Variants in CRIM1 observed in about 807,000 individuals in gnomAD.
CRIM1 encodes the protein cysteine-rich motor neuron 1 protein.
A neutral mutation model predicts 116.4 loss-of-function variants in CRIM1; 32 were observed. That is an observed-to-expected ratio of 0.27 (90% CI 0.21 to 0.37). The LOEUF is 0.37. Among genes scored for constraint, CRIM1 ranks in the 10% least tolerant of loss-of-function variants. The pLI, the probability that CRIM1 is intolerant of heterozygous loss-of-function variation, is 1.00. For missense variants in CRIM1, 1,331 were observed against 1,354.8 expected (o/e 0.98, Z 0.28); for synonymous variants, 590 against 509.2 (o/e 1.16, Z -2.13).
intron 7 of CRIM1, among the ~76,000 whole-genome samples, chr2:36,486,475 T>G (rs1679826706): frequency 6.6e-6 from 1 of 152,206 alleles, no homozygotes; most frequent in Non-Finnish European, 1.5e-5. Context: ...CTTATACTCT[T>G]AATTTGCTAG....
At chr2:36,456,663 G>C (rs1677156895) in intron 4 of CRIM1, among the ~76,000 whole-genome samples, 1 of 152,168 alleles carries the variant, frequency 6.6e-6, no homozygotes, top group Non-Finnish European at 1.5e-5. Flanking sequence ...TGTGATATCG[G>C]ATTGTTGAGC....
chr2:36,486,739 T>G (rs1188882763), intron 7 of CRIM1, among the ~76,000 whole-genome samples: 1 of 152,186 alleles, frequency 6.6e-6, no homozygotes, highest in Non-Finnish European at 1.5e-5. Context: ...AGATCAGACT[T>G]GGGCCTGCTA....
rs1212667878 is a variant in CRIM1 at position 36,356,228 on chromosome 2, C to T, written c.-65C>T. 1 of 925,254 alleles carries T rather than the reference C, an allele frequency of 1.1e-6. No homozygotes were observed. The highest frequency in any genetic ancestry group is 1.8e-5 in the African/African-American group (1 of 56,296). 57.3% of individuals were successfully genotyped at this position (925,254 alleles called of 1,614,324 possible). On this transcript the variant is annotated 5_prime_UTR_variant, in exon 1 of 17. Coordinates refer to ENST00000280527, the MANE Select transcript of CRIM1 (RefSeq NM_016441.3). The surrounding 1 kb of genome is among the most constrained non-coding windows in gnomAD (Gnocchi z 4.3). ...GCGGCGGCGGCGCGTGTGCCCCGCG[C>T]AGGGGAGGGCGCCCGCCCCGCTCCC...
chr2:36,429,594 AAG>A (rs1235797208), intron 2 of CRIM1, among the ~76,000 whole-genome samples: 1 of 152,200 alleles, frequency 6.6e-6, no homozygotes, highest in Non-Finnish European at 1.5e-5. Flanking sequence ...AGCACACAGA[AAG>A]AGAGAAAGCA....
In CRIM1 at chr2:36,548,700, G is replaced by GAAGAA. The variant is rs1667534623; in HGVS notation, c.*1_*5dup. ...GCAGACAATTTCTACCAAACAGTGTGAAGAAAGGCAACTAGGATGAGGTTT... is the reference window on the plus strand; with the variant it reads ...GCAGACAATTTCTACCAAACAGTGTGAAGAAAAGAAAGGCAACTAGGATGAGGTTT... On this transcript the variant is annotated frameshift_variant and stop_retained_variant, in exon 17 of 17. Coordinates refer to ENST00000280527, the MANE Select transcript of CRIM1 (RefSeq NM_016441.3). LOFTEE classifies it high-confidence loss of function. The GAAGAA allele has an allele frequency of 1.3e-6, 2 of 1,577,314 alleles. No homozygotes were observed. Among genetic ancestry groups the GAAGAA allele is most frequent in the Non-Finnish European group, 8.6e-7 (1 of 1,167,522 alleles).
rs1344630971 is a variant in CRIM1, at chr2:36,474,030, A to T, written c.992-2859A>T. ...CAGTGCTCGTTACTATTTTTTAATTATATCCATCATAGTGGGTGTGAAATG... is the reference window on the plus strand; with the variant it reads ...CAGTGCTCGTTACTATTTTTTAATTTTATCCATCATAGTGGGTGTGAAATG... On this transcript the variant is annotated intron_variant, in intron 5 of 16. Coordinates refer to ENST00000280527, the MANE Select transcript of CRIM1 (RefSeq NM_016441.3). Among the ~76,000 whole-genome samples the T allele has an allele frequency of 5.3e-5, 8 of 152,274 alleles. No homozygotes were observed. The East Asian group carries it at 1.2e-3, about 22-fold the overall frequency.
Position 36,395,223 on chromosome 2 carries a change from C to T in CRIM1, c.332-1391C>T, listed in dbSNP as rs781228730. On this transcript the variant is annotated intron_variant, in intron 1 of 16. Transcript: ENST00000280527. ...GGAGATGGGGTTTCACCATGTTGGC[C>T]AGGCTGATGGCCAGGTGATCTGCCT... Among the ~76,000 whole-genome samples, 32 of 152,068 alleles carry T rather than the reference C, an allele frequency of 2.1e-4. 1 individual carries two copies. Among genetic ancestry groups the T allele is most frequent in the Middle Eastern group, 3.2e-3 (1 of 316 alleles).
intron 8 of CRIM1, among the ~76,000 whole-genome samples, chr2:36,508,579 T>C (rs989754762): frequency 2.6e-5 from 4 of 152,240 alleles, no homozygotes; most frequent in African/African-American, 9.6e-5. Context: ...TAGAACAATA[T>C]TCAAACATTG....
intron 15 of CRIM1, 78 bp downstream of exon 15, chr2:36,544,576 T>A: frequency 7.8e-7 from 1 of 1,284,030 alleles, no homozygotes. Flanking sequence ...TAAAATTTCC[T>A]ATGAGTAACT....
At chr2:36,375,260 A>G (rs1670240393) in intron 1 of CRIM1, among the ~76,000 whole-genome samples, 1 of 152,198 alleles carries the variant, frequency 6.6e-6, no homozygotes, top group Admixed American at 6.5e-5. Flanking sequence ...ATTCGAAAAA[A>G]AACTTCGGAT....
chr2:36,415,652 C>G (rs977613324), intron 2 of CRIM1, among the ~76,000 whole-genome samples: 1 of 152,174 alleles, frequency 6.6e-6, no homozygotes, highest in African/African-American at 2.4e-5. Context: ...GGAACCAAGG[C>G]TAGCTGGGGG....
intron 6 of CRIM1, 113 bp downstream of exon 6, chr2:36,477,184 T>G: frequency 1.2e-6 from 1 of 828,400 alleles, no homozygotes; most frequent in Non-Finnish European, 1.8e-6. Context: ...TGAAGTTCCT[T>G]TTTTAGCCTT....
chr2:36,478,560 T>G (rs1261764920), intron 6 of CRIM1, among the ~76,000 whole-genome samples: 1 of 152,260 alleles, frequency 6.6e-6, no homozygotes, highest in East Asian at 1.9e-4. Flanking sequence ...CCTCCCTCTC[T>G]GGCAGACTGC....
At position 36,450,474 on chromosome 2, in the gene CRIM1, C is replaced by T. The variant is rs3770878; in HGVS notation, c.869+7739C>T. Reference sequence around the variant, plus strand: ...TATTCATGGACAAGTTTTAGGTTCTCTTTTCCTAACTTTATGATTGGACCA... The same window carrying T: ...TATTCATGGACAAGTTTTAGGTTCTTTTTTCCTAACTTTATGATTGGACCA... On this transcript the variant is annotated intron_variant, in intron 4 of 16. Coordinates refer to ENST00000280527, the MANE Select transcript of CRIM1 (RefSeq NM_016441.3). Among the ~76,000 whole-genome samples the T allele has an allele frequency of 8.0e-3, 1,219 of 152,300 alleles. 48 individuals carry two copies. The East Asian group carries it at 0.087, about 11-fold the overall frequency.
At chr2:36,473,274 T>C (rs933094025) in intron 5 of CRIM1, among the ~76,000 whole-genome samples, 3 of 152,202 alleles carry the variant, frequency 2.0e-5, no homozygotes, top group African/African-American at 7.2e-5. Context: ...AAGATGGGGA[T>C]ATCATCATCC....
At chr2:36,516,605 T>A (rs1441340442) in intron 11 of CRIM1, among the ~76,000 whole-genome samples, 2 of 152,018 alleles carry the variant, frequency 1.3e-5, no homozygotes, top group Non-Finnish European at 2.9e-5. Flanking sequence ...GCCAAGCACA[T>A]GTTTAGTCTC....
chr2:36,453,474 T>C (rs1475577333), intron 4 of CRIM1, among the ~76,000 whole-genome samples: 1 of 152,230 alleles, frequency 6.6e-6, no homozygotes, highest in Non-Finnish European at 1.5e-5. Flanking sequence ...ACCCACCCTA[T>C]ATATTTCATT....
intron 9 of CRIM1, among the ~76,000 whole-genome samples, chr2:36,511,026 C>G (rs1664637445): frequency 6.6e-6 from 1 of 151,052 alleles, no homozygotes; most frequent in Non-Finnish European, 1.5e-5. Context: ...CCCAGGCTGT[C>G]AGTCCTCCCA....
In CRIM1 at chr2:36,442,947, T is replaced by C. The variant is rs570950976; in HGVS notation, c.869+212T>C. On this transcript the variant is annotated intron_variant, in intron 4 of 16. Coordinates refer to ENST00000280527, the MANE Select transcript of CRIM1 (RefSeq NM_016441.3). Reference sequence around the variant, plus strand: ...CATCAGGTTAAGTCGTTAAACCTTATAGATTCTTTCTGTAAGGGTGCCTGT... The same window carrying C: ...CATCAGGTTAAGTCGTTAAACCTTACAGATTCTTTCTGTAAGGGTGCCTGT... 4.6e-5 allele frequency among the ~76,000 whole-genome samples: 7 copies of C among 152,298 alleles called. No homozygotes were observed. The South Asian group carries it at 1.0e-3, about 23-fold the overall frequency.
Sources: gnomAD v4.1 joint callset for allele counts (sites outside exome capture counted in the v4.1 genomes callset) on GRCh38, gnomAD v4.1.1 for gene constraint, Gnocchi (gnomAD v3.1) non-coding constraint, MANE v1.5 for transcripts, NCBI Gene and HGNC (gene_info 2026-07-23, HGNC 2026-07-21) for gene names.